The following RASA1 variants were observed in gnomAD, a reference collection of about 807,000 sequenced individuals.
RASA1 encodes ras GTPase-activating protein 1.
In RASA1, 25 loss-of-function variants were observed where a neutral mutation model predicts 132.2. That is an observed-to-expected ratio of 0.19 (90% CI 0.14 to 0.26). The LOEUF is 0.26. Ranked by LOEUF, RASA1 falls within the 10% of genes least tolerant of loss-of-function variation. RASA1 has a pLI of 1.00. For missense variants in RASA1, 964 were observed against 1,299.2 expected (o/e 0.74, Z 3.97); for synonymous variants, 477 against 449.9 (o/e 1.06, Z -0.76).
intron 1 of RASA1, among the ~76,000 whole-genome samples, chr5:87,316,305 G>A (rs1756332293): frequency 6.6e-6 from 1 of 152,170 alleles, no homozygotes; most frequent in Non-Finnish European, 1.5e-5. Flanking sequence ...TTGAGGGCCA[G>A]TTGGTTTCAG....
At chr5:87,277,305 T>C (rs999993617) in intron 1 of RASA1, among the ~76,000 whole-genome samples, 4 of 152,200 alleles carry the variant, frequency 2.6e-5, no homozygotes, top group South Asian at 4.1e-4. Flanking sequence ...GACTTAATAG[T>C]TCCCCCCTGT....
intron 4 of RASA1, among the ~76,000 whole-genome samples, chr5:87,334,843 G>C (rs1757849609): frequency 6.6e-6 from 1 of 151,956 alleles, no homozygotes; most frequent in South Asian, 2.1e-4. Flanking sequence ...CCAGGGATCA[G>C]TGTCATGAGG....
chr5:87,373,375 T>C (rs189165803), intron 13 of RASA1, among the ~76,000 whole-genome samples: 20 of 152,276 alleles, frequency 1.3e-4, no homozygotes, highest in Admixed American at 5.9e-4. Context: ...TTTATGCAGA[T>C]ACTATGTCAT....
intron 23 of RASA1, among the ~76,000 whole-genome samples, chr5:87,388,021 C>A (rs1580414104): frequency 6.6e-6 from 1 of 152,290 alleles, no homozygotes; most frequent in East Asian, 1.9e-4. Flanking sequence ...TGAAGACCCA[C>A]CTCAATTATT....
At chr5:87,388,109 G>A (rs775143767) in intron 23 of RASA1, among the ~76,000 whole-genome samples, 1 of 152,110 alleles carries the variant, frequency 6.6e-6, no homozygotes, top group African/African-American at 2.4e-5. Flanking sequence ...CATCCCCTGT[G>A]TATCTGTGAT....
chr5:87,387,774 A>G (rs1762163919), intron 23 of RASA1, among the ~76,000 whole-genome samples: 1 of 152,212 alleles, frequency 6.6e-6, no homozygotes. Flanking sequence ...ATTATGGCAT[A>G]GCTCCATATT....
intron 1 of RASA1, among the ~76,000 whole-genome samples, chr5:87,296,508 A>T (rs1755125836): frequency 6.6e-6 from 1 of 152,212 alleles, no homozygotes; most frequent in Non-Finnish European, 1.5e-5. Context: ...CTGGCAACAC[A>T]AGTCTTCAAT....
chr5:87,289,255 A>G (rs1754809871), intron 1 of RASA1, among the ~76,000 whole-genome samples: 1 of 152,196 alleles, frequency 6.6e-6, no homozygotes, highest in South Asian at 2.1e-4. Context: ...AGTTCTCAGT[A>G]CATAAGGGCA....
At chr5:87,376,706 C>T (rs1761349815) in intron 16 of RASA1, 141 bp downstream of exon 16, 1 of 1,274,682 alleles carries the variant, frequency 7.8e-7, no homozygotes, top group African/African-American at 1.5e-5. Flanking sequence ...TTGTTTTATA[C>T]TGTAATTTTG....
At chr5:87,326,674 C>A (rs905825672) in intron 1 of RASA1, among the ~76,000 whole-genome samples, 1 of 152,058 alleles carries the variant, frequency 6.6e-6, no homozygotes, top group Non-Finnish European at 1.5e-5. Flanking sequence ...CTTTATATTG[C>A]CCCCAACACC....
At chr5:87,378,923 G>A (rs951096258) in intron 18 of RASA1, among the ~76,000 whole-genome samples, 49 of 152,058 alleles carry the variant, frequency 3.2e-4, no homozygotes, top group African/African-American at 1.1e-3. Flanking sequence ...GTTTTTTTGC[G>A]AGGGGAGAAT....
At chr5:87,375,370 C>T (rs531710968) in intron 15 of RASA1, among the ~76,000 whole-genome samples, 6 of 152,056 alleles carry the variant, frequency 3.9e-5, no homozygotes, top group Non-Finnish European at 2.9e-5. Context: ...AAGCAATTCT[C>T]CTGCCTCAGC....
At chr5:87,308,373 T>A (rs547521115) in intron 1 of RASA1, among the ~76,000 whole-genome samples, 1 of 152,170 alleles carries the variant, frequency 6.6e-6, no homozygotes, top group Non-Finnish European at 1.5e-5. Flanking sequence ...AAGTTCTGAT[T>A]GCCTCCATAT....
chr5:87,366,741 T>G (rs2112467542), intron 11 of RASA1, among the ~76,000 whole-genome samples: 1 of 152,342 alleles, frequency 6.6e-6, no homozygotes, highest in Non-Finnish European at 1.5e-5. Context: ...AAACAGATTT[T>G]TCTTTTAAGA....
chr5:87,286,965 T>TACACCATATATATACCATATATAC (rs1754604559), intron 1 of RASA1, among the ~76,000 whole-genome samples: 1 of 147,956 alleles, frequency 6.8e-6, no homozygotes, highest in African/African-American at 2.5e-5. Flanking sequence ...ATACCATATA[T>TACACCATATATATACCATATATAC]ACACCATATA....
chr5:87,338,988 TACTC>T (rs1758244645), intron 5 of RASA1, among the ~76,000 whole-genome samples: 1 of 152,140 alleles, frequency 6.6e-6, no homozygotes, highest in South Asian at 2.1e-4. Context: ...TCAGAGACAA[TACTC>T]AGTATCAAAT....
intron 1 of RASA1, among the ~76,000 whole-genome samples, chr5:87,310,253 A>G (rs1015255305): frequency 3.9e-5 from 6 of 152,012 alleles, no homozygotes. Context: ...AAAATAAGGA[A>G]TTTTAAAAAA....
chr5:87,309,358 G>C (rs1755764040), intron 1 of RASA1, among the ~76,000 whole-genome samples: 1 of 152,092 alleles, frequency 6.6e-6, no homozygotes, highest in Non-Finnish European at 1.5e-5. Context: ...AGGATAGTAG[G>C]GCACTGGAGA....
intron 11 of RASA1, among the ~76,000 whole-genome samples, chr5:87,364,330 A>C (rs1760342560): frequency 6.6e-6 from 1 of 152,146 alleles, no homozygotes; most frequent in East Asian, 1.9e-4. Context: ...TTAGGAGATC[A>C]CATTAGTGTT....
Sources: gnomAD v4.1 joint callset for allele counts (sites outside exome capture counted in the v4.1 genomes callset) on GRCh38, gnomAD v4.1.1 for gene constraint, MANE v1.5 for transcripts, NCBI Gene and HGNC (gene_info 2026-07-23, HGNC 2026-07-21) for gene names.